Variants in FAM210A observed in about 807,000 individuals in gnomAD.
FAM210A encodes mitochondrial inner membrane scaffold 1.
A neutral mutation model predicts 25.3 loss-of-function variants in FAM210A; 13 were observed. That is an observed-to-expected ratio of 0.51 (90% CI 0.33 to 0.82). FAM210A has a LOEUF of 0.82. FAM210A is among the 40% of genes least tolerant of loss of function. The pLI, the probability that FAM210A is intolerant of heterozygous loss-of-function variation, is 0.02. For missense variants in FAM210A, 319 were observed against 323.2 expected, an observed-to-expected ratio of 0.99 and a Z score of 0.10; for synonymous variants, 125 against 118.7, an observed-to-expected ratio of 1.05 and a Z score of -0.35.
intron 1 of FAM210A, among the ~76,000 whole-genome samples, chr18:13,697,921 A>G (rs760103787): frequency 5.9e-5 from 9 of 152,188 alleles, no homozygotes; most frequent in Non-Finnish European, 1.2e-4. Context: ...ACATAGAGGA[A>G]CCTTAAATGC....
At chr18:13,679,949 G>A (rs1412625570) in intron 2 of FAM210A, among the ~76,000 whole-genome samples, 3 of 152,004 alleles carry the variant, frequency 2.0e-5, no homozygotes, top group Non-Finnish European at 4.4e-5. Context: ...AAAAGTAAAA[G>A]GAACAAAAAT....
chr18:13,698,261 A>T (rs763252835), intron 1 of FAM210A, among the ~76,000 whole-genome samples: 10 of 150,894 alleles, frequency 6.6e-5, no homozygotes, highest in Non-Finnish European at 1.3e-4. Context: ...CTGAGGCGGA[A>T]GAATTGCTTG....
chr18:13,712,227 T>C (rs1326219463), intron 1 of FAM210A, among the ~76,000 whole-genome samples: 1 of 152,072 alleles, frequency 6.6e-6, no homozygotes, highest in Non-Finnish European at 1.5e-5. Context: ...ATAAGAAAAA[T>C]ATACTATTAA....
chr18:13,693,705 T>TA (rs1206526008), intron 1 of FAM210A, among the ~76,000 whole-genome samples: 1 of 152,204 alleles, frequency 6.6e-6, no homozygotes, highest in East Asian at 1.9e-4. Context: ...CCCTTCATGC[T>TA]AAAAACTCTC....
intron 1 of FAM210A, among the ~76,000 whole-genome samples, chr18:13,707,554 T>C (rs1055420328): frequency 6.6e-6 from 1 of 152,200 alleles, no homozygotes; most frequent in African/African-American, 2.4e-5. Flanking sequence ...ATGGTAATAG[T>C]GACATCAAGG....
chr18:13,681,883 T>C lies in FAM210A; in HGVS notation c.195A>G (p.Ala65=). ...WLHLSAAQCV[A]KERRPLDAHP... ...GAGCATCCAATGGCCTCCTTTCCTT[T>C]GCAACACACTGGGCAGCAGATAAAT... is the stretch of plus-strand genomic sequence containing the variant. Residue 65 remains alanine (A), a synonymous_variant, in exon 2 of 4, where the codon GCA becomes GCG. Transcript: ENST00000651643. 6.2e-7 allele frequency: 1 copy of C among 1,614,212 alleles called. No individual in the cohort carries two copies. The highest frequency in any genetic ancestry group is 8.5e-7 in the Non-Finnish European group (1 of 1,180,032).
intron 1 of FAM210A, among the ~76,000 whole-genome samples, chr18:13,706,586 A>C (rs1043510325): frequency 6.6e-6 from 1 of 152,096 alleles, no homozygotes; most frequent in African/African-American, 2.4e-5. Context: ...GGAGGCCTTC[A>C]CTCTTCTAGA....
At chr18:13,713,280 C>A (rs1284214) in intron 1 of FAM210A, among the ~76,000 whole-genome samples, 9,079 of 152,198 alleles carry the variant, frequency 0.06, 917 homozygotes, top group African/African-American at 0.21. Flanking sequence ...TTCAACATAA[C>A]TTAACAACAT....
chr18:13,676,071 G>A (rs1326902131), intron 2 of FAM210A, among the ~76,000 whole-genome samples: 1 of 145,726 alleles, frequency 6.9e-6, no homozygotes, highest in African/African-American at 2.6e-5. Flanking sequence ...TTCCTGAGCC[G>A]TGGTGACTTC....
chr18:13,719,823 T>C (rs2043885740), intron 1 of FAM210A, among the ~76,000 whole-genome samples: 2 of 152,190 alleles, frequency 1.3e-5, no homozygotes, highest in African/African-American at 4.8e-5. Flanking sequence ...TCACAAGACA[T>C]TGCAGTAGCA....
chr18:13,695,855 G>GTA (rs904052005), intron 1 of FAM210A, among the ~76,000 whole-genome samples: 35 of 151,830 alleles, frequency 2.3e-4, no homozygotes, highest in South Asian at 1.5e-3. Flanking sequence ...AGAACTTAAA[G>GTA]TATATATATA....
chr18:13,706,507 C>T (rs1294171794), intron 1 of FAM210A, among the ~76,000 whole-genome samples: 2 of 152,190 alleles, frequency 1.3e-5, no homozygotes, highest in Non-Finnish European at 2.9e-5. Context: ...TATGTTGCCT[C>T]ATAATCAGTC....
At chr18:13,723,728 T>C (rs528595753) in intron 1 of FAM210A, among the ~76,000 whole-genome samples, 7 of 152,236 alleles carry the variant, frequency 4.6e-5, no homozygotes, top group Non-Finnish European at 8.8e-5. Context: ...CTAGGTATTA[T>C]AGCCTAGCTA....
chr18:13,700,241 A>G (rs1470035668), intron 1 of FAM210A, among the ~76,000 whole-genome samples: 1 of 152,230 alleles, frequency 6.6e-6, no homozygotes, highest in Admixed American at 6.5e-5. Flanking sequence ...AATTAATTTG[A>G]TAACCCTTCC....
chr18:13,676,002 T>G (rs1323604758), intron 2 of FAM210A, among the ~76,000 whole-genome samples: 1 of 140,172 alleles, frequency 7.1e-6, no homozygotes, highest in African/African-American at 2.6e-5. Flanking sequence ...TCCAGTTTCC[T>G]GATTATTAAC....
intron 1 of FAM210A, among the ~76,000 whole-genome samples, chr18:13,686,639 T>C (rs1460826598): frequency 6.6e-6 from 1 of 152,194 alleles, no homozygotes; most frequent in Non-Finnish European, 1.5e-5. Context: ...TTGTTTCAGG[T>C]TGACACCCAC....
At chr18:13,676,763 G>A (rs4797795) in intron 2 of FAM210A, among the ~76,000 whole-genome samples, 74,979 of 152,118 alleles carry the variant, frequency 0.49, 19,923 homozygotes, top group East Asian at 0.86. Flanking sequence ...GAGGAGGGCA[G>A]CATGCAGGCT....
intron 2 of FAM210A, among the ~76,000 whole-genome samples, chr18:13,672,979 T>C (rs949843406): frequency 6.6e-6 from 1 of 152,214 alleles, no homozygotes; most frequent in Admixed American, 6.5e-5. Context: ...TTCCTGATTA[T>C]TAACATTCCT....
At chr18:13,719,358 A>C (rs2043882912) in intron 1 of FAM210A, among the ~76,000 whole-genome samples, 1 of 152,248 alleles carries the variant, frequency 6.6e-6, no homozygotes, top group African/African-American at 2.4e-5. Context: ...AAGAAGTTAC[A>C]AAGGCAATGT....
Sources: gnomAD v4.1 joint callset for allele counts (sites outside exome capture counted in the v4.1 genomes callset) on GRCh38, gnomAD v4.1.1 for gene constraint, MANE v1.5 for transcripts, NCBI Gene and HGNC (gene_info 2026-07-23, HGNC 2026-07-21) for gene names.